The following FAT3 variants were observed in gnomAD, a reference collection of about 807,000 sequenced individuals.
FAT3 encodes FAT atypical cadherin 3.
In FAT3, 95 loss-of-function variants were observed where a neutral mutation model predicts 310.2. The observed-to-expected ratio is 0.31, with a 90% CI of 0.26 to 0.36. The LOEUF is 0.36. Among genes scored for constraint, FAT3 ranks in the 10% least tolerant of loss-of-function variants. FAT3 has a pLI of 1.00. For missense variants in FAT3, 5,408 were observed against 5,715.6 expected, an observed-to-expected ratio of 0.95 and a Z score of 1.74; for synonymous variants, 2,314 against 2,192.9, an observed-to-expected ratio of 1.06 and a Z score of -1.54.
chr11:92,418,684 G>A (rs1367143077), intron 2 of FAT3, among the ~76,000 whole-genome samples: 2 of 152,058 alleles, frequency 1.3e-5, no homozygotes, highest in Non-Finnish European at 2.9e-5. Context: ...CCAAGAGGGT[G>A]CATACCTGTG....
chr11:92,372,822 G>A (rs1047027085), intron 2 of FAT3, among the ~76,000 whole-genome samples: 29 of 152,068 alleles, frequency 1.9e-4, no homozygotes, highest in African/African-American at 6.3e-4. Flanking sequence ...CACCACGCCC[G>A]GCTAATTTTT....
intron 2 of FAT3, among the ~76,000 whole-genome samples, chr11:92,444,695 C>G (rs553936612): frequency 7.0e-6 from 1 of 141,912 alleles, no homozygotes; most frequent in African/African-American, 2.6e-5. Context: ...ATATTATTTT[C>G]TTAGAAGCAC....
At chr11:92,418,553 T>A (rs898834468) in intron 2 of FAT3, among the ~76,000 whole-genome samples, 4 of 151,392 alleles carry the variant, frequency 2.6e-5, no homozygotes, top group African/African-American at 9.7e-5. Context: ...GCATGCCAAG[T>A]CATCAGAAGG....
intron 2 of FAT3, among the ~76,000 whole-genome samples, chr11:92,368,354 A>G (rs2134702698): frequency 6.6e-6 from 1 of 152,292 alleles, no homozygotes; most frequent in Non-Finnish European, 1.5e-5. Flanking sequence ...AACTTCTATC[A>G]AGTTTCTTTT....
chr11:92,353,241 GA>G lies in FAT3; in HGVS notation c.1134del (p.Glu379LysfsTer5). ...AAGAGACACTGTCCCCATTAGATTT[GA>G]AAAAGAAGTGTACGATGTGAGCATA... ...PTRDTVPIRF[E>X]KEVYDVSISE... On this transcript the variant is annotated frameshift_variant, in exon 2 of 28. Coordinates refer to ENST00000525166, the MANE Select transcript of FAT3 (RefSeq NM_001367949.2). LOFTEE classifies it high-confidence loss of function. The G allele has an allele frequency of 1.2e-6, 2 of 1,613,718 alleles. No individual in the cohort carries two copies. The highest frequency in any genetic ancestry group is 8.5e-7 in the Non-Finnish European group (1 of 1,179,852).
intron 2 of FAT3, among the ~76,000 whole-genome samples, chr11:92,356,658 A>G (rs1948738849): frequency 6.6e-6 from 1 of 152,130 alleles, no homozygotes; most frequent in Admixed American, 6.5e-5. Flanking sequence ...TGACCTCATC[A>G]AAACCTAACT....
chr11:92,881,838 G>T (rs1209278158), intron 23 of FAT3, among the ~76,000 whole-genome samples: 1 of 152,126 alleles, frequency 6.6e-6, no homozygotes, highest in Non-Finnish European at 1.5e-5. Context: ...GAATAAAATT[G>T]ATTTAATTAT....
At chr11:92,597,573 G>A (rs1456637172) in intron 3 of FAT3, among the ~76,000 whole-genome samples, 1 of 152,140 alleles carries the variant, frequency 6.6e-6, no homozygotes, top group African/African-American at 2.4e-5. Context: ...GCAGTAAGAG[G>A]TTTGCCATAT....
At chr11:92,375,000 G>T (rs556825411) in intron 2 of FAT3, among the ~76,000 whole-genome samples, 1 of 152,052 alleles carries the variant, frequency 6.6e-6, no homozygotes, top group Non-Finnish European at 1.5e-5. Flanking sequence ...AAACATTCAC[G>T]CAGAGAAAGT....
rs75477544 is a variant in FAT3 at position 92,852,359 on chromosome 11, A to T, written c.11366-4855A>T. On this transcript the variant is annotated intron_variant, in intron 19 of 27. Coordinates refer to ENST00000525166, the MANE Select transcript of FAT3 (RefSeq NM_001367949.2). ...TCACATCTGTCCCCTGCTAAGGAGG[A>T]TGTTACATTTACACTGGCCTGCAGA... Among the ~76,000 whole-genome samples the T allele has an allele frequency of 2.6e-3, 400 of 152,260 alleles. 16 individuals carry two copies. In the East Asian group the frequency reaches 0.071, roughly 27 times the overall value.
intron 2 of FAT3, among the ~76,000 whole-genome samples, chr11:92,436,965 G>T (rs1950953095): frequency 6.6e-6 from 1 of 152,126 alleles, no homozygotes; most frequent in Non-Finnish European, 1.5e-5. Context: ...CATTTTCCTA[G>T]TGCTGTCTCA....
At chr11:92,771,049 G>T (rs913318253) in intron 6 of FAT3, among the ~76,000 whole-genome samples, 1 of 152,078 alleles carries the variant, frequency 6.6e-6, no homozygotes, top group Non-Finnish European at 1.5e-5. Context: ...TCACAACCTC[G>T]CTTTTAACCA....
intron 13 of FAT3, among the ~76,000 whole-genome samples, chr11:92,816,195 C>T (rs1947822202): frequency 6.6e-6 from 1 of 152,148 alleles, no homozygotes; most frequent in African/African-American, 2.4e-5. Context: ...TGAGTGTTAG[C>T]CAGGACAGGC....
intron 4 of FAT3, among the ~76,000 whole-genome samples, chr11:92,758,741 G>A (rs750704542): frequency 6.6e-6 from 1 of 152,214 alleles, no homozygotes; most frequent in Non-Finnish European, 1.5e-5. Flanking sequence ...AAGATGCAAG[G>A]GGGGTCTGTA....
At chr11:92,599,924 G>A (rs1939928561) in intron 3 of FAT3, among the ~76,000 whole-genome samples, 1 of 152,158 alleles carries the variant, frequency 6.6e-6, no homozygotes, top group Admixed American at 6.5e-5. Flanking sequence ...AGTGATGACT[G>A]CAGGTTATCA....
chr11:92,486,063 A>G (rs1952374437), intron 2 of FAT3, among the ~76,000 whole-genome samples: 1 of 151,034 alleles, frequency 6.6e-6, no homozygotes, highest in African/African-American at 2.4e-5. Context: ...AGATATGGGA[A>G]AAATATGAAT....
intron 15 of FAT3, 42 bp downstream of exon 15, chr11:92,835,126 T>C (rs1403721587): frequency 6.5e-7 from 1 of 1,527,170 alleles, no homozygotes; most frequent in Middle Eastern, 2.3e-4. Context: ...TGTTTGGGAC[T>C]AGTCATCCAC....
At chr11:92,615,311 A>G (rs1417603063) in intron 3 of FAT3, among the ~76,000 whole-genome samples, 1 of 152,186 alleles carries the variant, frequency 6.6e-6, no homozygotes, top group African/African-American at 2.4e-5. Context: ...CAGTGGCACG[A>G]TCTTCGCTCA....
intron 13 of FAT3, among the ~76,000 whole-genome samples, chr11:92,828,109 G>A (rs1394165968): frequency 6.6e-6 from 1 of 151,896 alleles, no homozygotes; most frequent in Non-Finnish European, 1.5e-5. Context: ...TAGCAAGCAA[G>A]TCTTCTGCTT....
Sources: allele counts gnomAD v4.1 joint callset (sites outside exome capture counted in the v4.1 genomes callset), GRCh38; gene constraint gnomAD v4.1.1; transcripts MANE v1.5; gene names NCBI Gene and HGNC (gene_info 2026-07-23, HGNC 2026-07-21).